PPP2R2B: variants seen among roughly 807,000 people sequenced by gnomAD.
PPP2R2B encodes the protein protein phosphatase 2 regulatory subunit Bbeta, also known as serine/threonine-protein phosphatase 2A 55 kDa regulatory subunit B beta isoform.
Under a neutral mutation model 46.0 loss-of-function variants are expected in PPP2R2B, and 5 were observed. The observed-to-expected ratio is 0.11, with a 90% confidence interval of 0.06 to 0.23. The LOEUF (loss-of-function observed/expected upper bound fraction) is 0.23. Ranked by LOEUF, PPP2R2B falls within the 10% of genes least tolerant of loss-of-function variation. The pLI, the probability that PPP2R2B is intolerant of heterozygous loss-of-function variation, is 1.00. For synonymous variants in PPP2R2B, 215 were observed against 206.7 expected (o/e 1.04, Z -0.34); for missense variants, 367 against 575.0 (o/e 0.64, Z 3.70).
At chr5:146,783,585 T>C (rs192738229) in intron 2 of PPP2R2B, among the ~76,000 whole-genome samples, 167 of 152,314 alleles carry the variant, frequency 1.1e-3, no homozygotes, top group Non-Finnish European at 2.1e-3. Flanking sequence ...TTTTAAAAAA[T>C]AATTAATGTC....
At chr5:146,721,051 C>T (rs936096298) in intron 2 of PPP2R2B, among the ~76,000 whole-genome samples, 1 of 152,006 alleles carries the variant, frequency 6.6e-6, no homozygotes, top group African/African-American at 2.4e-5. Flanking sequence ...GTCAATTAAC[C>T]CACCAGAGCA....
At chr5:146,909,841 G>A (rs1163161522) in intron 1 of PPP2R2B, among the ~76,000 whole-genome samples, 1 of 152,062 alleles carries the variant, frequency 6.6e-6, no homozygotes, top group African/African-American at 2.4e-5. Flanking sequence ...TCATACCTAT[G>A]CTGATAACAG....
At chr5:146,615,432 G>A (rs1192582205) in intron 7 of PPP2R2B, among the ~76,000 whole-genome samples, 1 of 113,844 alleles carries the variant, frequency 8.8e-6, no homozygotes, top group Non-Finnish European at 1.7e-5. Context: ...CAGCGCACCA[G>A]CATGGCACAT....
chr5:146,982,111 T>C (rs1046923291), intron 1 of PPP2R2B, among the ~76,000 whole-genome samples: 2 of 152,222 alleles, frequency 1.3e-5, no homozygotes, highest in Non-Finnish European at 2.9e-5. Flanking sequence ...TCCTCCTTGC[T>C]TTGAGCTTAT....
chr5:146,654,358 GA>G (rs1229557577), intron 5 of PPP2R2B, among the ~76,000 whole-genome samples: 1 of 152,170 alleles, frequency 6.6e-6, no homozygotes, highest in Non-Finnish European at 1.5e-5. Context: ...GTTCCTGAAT[GA>G]GCACACCTAG....
At chr5:147,052,562 G>A (rs887983463) in intron 1 of PPP2R2B, among the ~76,000 whole-genome samples, 1 of 152,140 alleles carries the variant, frequency 6.6e-6, no homozygotes, top group African/African-American at 2.4e-5. Context: ...AGAGTTGAAG[G>A]TTGGAATTAA....
At chr5:146,929,057 C>A (rs1763881722) in intron 1 of PPP2R2B, among the ~76,000 whole-genome samples, 1 of 152,138 alleles carries the variant, frequency 6.6e-6, no homozygotes, top group Non-Finnish European at 1.5e-5. Flanking sequence ...AGTCTTTGCT[C>A]AGATATCACC....
intron 1 of PPP2R2B, among the ~76,000 whole-genome samples, chr5:146,906,738 A>G (rs1005730409): frequency 6.6e-6 from 1 of 152,162 alleles, no homozygotes; most frequent in Non-Finnish European, 1.5e-5. Context: ...TGGCCACTGG[A>G]AAACTTTTAA....
At chr5:147,058,430 G>A (rs546686874), upstream of PPP2R2B, among the ~76,000 whole-genome samples, 1 of 152,022 alleles carries the variant, frequency 6.6e-6, no homozygotes, top group Non-Finnish European at 1.5e-5. Context: ...ATTACTTCCT[G>A]AGTGAAAAAA....
At chr5:147,059,150 C>T (rs139956221), upstream of PPP2R2B, among the ~76,000 whole-genome samples, 260 of 152,258 alleles carry the variant, frequency 1.7e-3, 1 homozygote, top group Admixed American at 4.8e-3. Context: ...GATACCACCC[C>T]TGCTCTAAAG....
intron 1 of PPP2R2B, chr5:146,914,413 C>T (rs926615639): frequency 6.6e-6 from 1 of 152,166 alleles, no homozygotes. Flanking sequence ...CACTGCACTG[C>T]ATCCTGGTAC....
chr5:146,786,474 AC>A (rs1365216755), intron 2 of PPP2R2B, among the ~76,000 whole-genome samples: 1 of 152,022 alleles, frequency 6.6e-6, no homozygotes, highest in Non-Finnish European at 1.5e-5. Context: ...ACTTCCTGAA[AC>A]CCCTGGCTGT....
chr5:146,593,706 C>A (rs1453253263), intron 8 of PPP2R2B, among the ~76,000 whole-genome samples: 4 of 152,056 alleles, frequency 2.6e-5, no homozygotes, highest in African/African-American at 9.7e-5. Context: ...GCTCTCCAAG[C>A]ATAGGAAACA....
At chr5:147,016,164 A>G (rs2151881817) in intron 1 of PPP2R2B, among the ~76,000 whole-genome samples, 1 of 151,626 alleles carries the variant, frequency 6.6e-6, no homozygotes, top group Admixed American at 6.6e-5. Context: ...GGCAAGATCC[A>G]TCTCTACAAA....
At chr5:147,039,147 G>A (rs1160316575) in intron 1 of PPP2R2B, among the ~76,000 whole-genome samples, 1 of 152,132 alleles carries the variant, frequency 6.6e-6, no homozygotes, top group Non-Finnish European at 1.5e-5. Context: ...CATCAGTCAA[G>A]CCTCAGCTCA....
intron 2 of PPP2R2B, among the ~76,000 whole-genome samples, chr5:146,852,684 A>G (rs1275328330): frequency 6.6e-6 from 1 of 152,090 alleles, no homozygotes; most frequent in Non-Finnish European, 1.5e-5. Context: ...ACAATTCCCA[A>G]TGACTGCTAA....
chr5:146,976,999 T>A (rs1188343746), intron 1 of PPP2R2B, among the ~76,000 whole-genome samples: 1 of 152,074 alleles, frequency 6.6e-6, no homozygotes, highest in Non-Finnish European at 1.5e-5. Flanking sequence ...TTTCATATAA[T>A]AACAACTTCA....
chr5:146,583,827 T>G lies in PPP2R2B; in HGVS notation c.*6120A>C, dbSNP rs1770010864. On this transcript the variant is annotated 3_prime_UTR_variant, in exon 10 of 10. Coordinates refer to ENST00000394411, the MANE Select transcript of PPP2R2B (RefSeq NM_181675.4). ...CTACTCCAGCTTCCTCAGTCTTCCA[T>G]GACTCCCACAAGTATGTATTACTCT... The G allele has an allele frequency of 6.6e-6, 1 of 152,232 alleles. No homozygotes were observed. Among genetic ancestry groups the G allele is most frequent in the Admixed American group, 6.5e-5 (1 of 15,282 alleles). The allele number at this position is 152,232 out of a possible 1,614,324, so 9.4% of individuals were successfully genotyped here.
chr5:147,027,652 T>A lies in PPP2R2B; in HGVS notation c.79+28013A>T, dbSNP rs867162407. ...TCGGTCTCAAAAAAAAAAAAAAAAA[T>A]TTAGTGTGGATGGCTAAGGAGATTC... On this transcript the variant is annotated intron_variant, in intron 1 of 8. Coordinates refer to the PPP2R2B transcript ENST00000336640. 6.3e-4 allele frequency among the ~76,000 whole-genome samples: 69 copies of A among 110,374 alleles called. 2 individuals are homozygous for A. The highest frequency in any genetic ancestry group is 5.2e-3 in the Middle Eastern group (1 of 192). The allele number at this position is 110,374 out of a possible 152,430, so 72.4% of individuals were successfully genotyped here. A position where few individuals can be genotyped will look rare whatever the true frequency, so the allele number is the denominator to read the frequency against.
Sources: allele counts gnomAD v4.1 joint callset (sites outside exome capture counted in the v4.1 genomes callset), GRCh38; gene constraint gnomAD v4.1.1; transcripts MANE v1.5; gene names NCBI Gene and HGNC (gene_info 2026-07-23, HGNC 2026-07-21).